RALGAPA2: variants seen among roughly 807,000 people sequenced by gnomAD.
RALGAPA2 encodes Ral GTPase activating protein catalytic subunit alpha 2.
RALGAPA2 carries 139 observed loss-of-function variants against 230.4 expected under a neutral mutation model. The observed-to-expected ratio is 0.60, with a 90% CI of 0.53 to 0.69. The LOEUF is 0.69. Among genes scored for constraint, RALGAPA2 ranks in the 30% least tolerant of loss-of-function variants. RALGAPA2 has a pLI of 0.00. For synonymous variants in RALGAPA2, 847 were observed against 837.8 expected, an observed-to-expected ratio of 1.01 and a Z score of -0.19; for missense variants, 2,163 against 2,276.0, an observed-to-expected ratio of 0.95 and a Z score of 1.01.
chr20:20,687,105 T>C (rs986233971), intron 1 of RALGAPA2, among the ~76,000 whole-genome samples: 3 of 152,188 alleles, frequency 2.0e-5, no homozygotes, highest in African/African-American at 7.2e-5. Flanking sequence ...ATAATGGCAC[T>C]GAAGGCCTGA....
chr20:20,620,453 A>T lies in RALGAPA2; in HGVS notation c.1401+10T>A. 6.2e-7 allele frequency: 1 copy of T among 1,612,308 alleles called. No individual in the cohort carries two copies. Among genetic ancestry groups the T allele is most frequent in the Non-Finnish European group, 8.5e-7 (1 of 1,179,166 alleles). On this transcript the variant is annotated intron_variant, in intron 11 of 39. Transcript: ENST00000202677. ...TACCCTCAACTCAAAAGACAAGTGAAAAAAATTACCTCCTTGCTATCAGTC... is the reference window on the plus strand; with the variant it reads ...TACCCTCAACTCAAAAGACAAGTGATAAAAATTACCTCCTTGCTATCAGTC...
At chr20:20,681,325 C>A (rs965781060) in intron 1 of RALGAPA2, among the ~76,000 whole-genome samples, 2 of 152,174 alleles carry the variant, frequency 1.3e-5, no homozygotes, top group Non-Finnish European at 2.9e-5. Flanking sequence ...GCTCCCCAAC[C>A]ACAAGCTTCT....
chr20:20,673,927 C>T (rs1426270879), intron 3 of RALGAPA2, among the ~76,000 whole-genome samples: 2 of 152,116 alleles, frequency 1.3e-5, no homozygotes, highest in Non-Finnish European at 2.9e-5. Flanking sequence ...GTGCCTCATG[C>T]CTATAATCCC....
rs1261563422 is a variant in RALGAPA2, at chr20:20,680,679, T to A, written c.217+12A>T. 1.0e-5 allele frequency: 16 copies of A among 1,527,206 alleles called. No individual in the cohort carries two copies. The highest frequency in any genetic ancestry group is 1.4e-5 in the African/African-American group (1 of 71,172). The allele number at this position is 1,527,206 out of a possible 1,614,324, so 94.6% of individuals were successfully genotyped here. On this transcript the variant is annotated intron_variant, in intron 2 of 39. Coordinates refer to ENST00000202677, the MANE Select transcript of RALGAPA2 (RefSeq NM_020343.4). ...CGAATGTTTTTTAAAAAAAAACTAC[T>A]GAAATGCTTACCTTTTAATTTCAAA...
intron 10 of RALGAPA2, among the ~76,000 whole-genome samples, chr20:20,628,073 G>C (rs932753340): frequency 6.6e-6 from 1 of 152,224 alleles, no homozygotes; most frequent in African/African-American, 2.4e-5. Flanking sequence ...TATTTTATAA[G>C]TGGAATGTTA....
At chr20:20,522,124 C>T (rs573273642) in intron 30 of RALGAPA2, among the ~76,000 whole-genome samples, 6 of 152,020 alleles carry the variant, frequency 3.9e-5, no homozygotes, top group East Asian at 1.9e-4. Context: ...TAAAACCACA[C>T]GTTATGTGTA....
At chr20:20,649,378 C>A (rs768198065) in intron 4 of RALGAPA2, among the ~76,000 whole-genome samples, 52 of 152,140 alleles carry the variant, frequency 3.4e-4, no homozygotes, top group Non-Finnish European at 7.1e-4. Context: ...ATGTTCACAT[C>A]CCAGGCAATG....
intron 16 of RALGAPA2, among the ~76,000 whole-genome samples, chr20:20,597,427 C>T (rs762798927): frequency 6.6e-6 from 1 of 152,098 alleles, no homozygotes; most frequent in Non-Finnish European, 1.5e-5. Context: ...TTATAGTCCT[C>T]GCTCTTGGTA....
At chr20:20,518,258 T>C (rs536961283) in intron 31 of RALGAPA2, among the ~76,000 whole-genome samples, 2 of 152,310 alleles carry the variant, frequency 1.3e-5, no homozygotes, top group Admixed American at 6.5e-5. Flanking sequence ...GGTTTCACCA[T>C]GTTAGCCAGG....
intron 1 of RALGAPA2, among the ~76,000 whole-genome samples, chr20:20,698,689 C>T (rs753718506): frequency 8.5e-5 from 13 of 152,136 alleles, no homozygotes; most frequent in Non-Finnish European, 1.6e-4. Flanking sequence ...CGTGAGCTAC[C>T]GTGCCTGGTC....
intron 23 of RALGAPA2, among the ~76,000 whole-genome samples, chr20:20,564,657 G>A (rs2064357812): frequency 6.6e-6 from 1 of 152,192 alleles, no homozygotes; most frequent in Admixed American, 6.5e-5. Context: ...GGTCTGAGAG[G>A]CTCTCTAGCC....
intron 13 of RALGAPA2, among the ~76,000 whole-genome samples, chr20:20,615,663 T>TA (rs1482917587): frequency 1.3e-5 from 2 of 152,226 alleles, no homozygotes; most frequent in Non-Finnish European, 1.5e-5. Flanking sequence ...AAAATGAATT[T>TA]AAAACGTCAA....
chr20:20,705,205 A>ACTTGATTTTTGTTGTTGTTGATACAGGGT (rs2069546053), intron 1 of RALGAPA2, among the ~76,000 whole-genome samples: 2 of 152,134 alleles, frequency 1.3e-5, no homozygotes, highest in Non-Finnish European at 2.9e-5. Context: ...AATGTTTGTG[A>ACTTGATTTTTGTTGTTGTTGATACAGGGT]CTTGATTTTT....
chr20:20,567,084 C>T (rs1227139761), intron 23 of RALGAPA2, among the ~76,000 whole-genome samples: 1 of 152,200 alleles, frequency 6.6e-6, no homozygotes, highest in Non-Finnish European at 1.5e-5. Flanking sequence ...AGACAAATTA[C>T]ATTAAGACAT....
At chr20:20,635,790 T>C (rs2066837952) in intron 8 of RALGAPA2, among the ~76,000 whole-genome samples, 173 bp from the exon 9 acceptor site, 1 of 152,330 alleles carries the variant, frequency 6.6e-6, no homozygotes, top group South Asian at 2.1e-4. Context: ...TCCTTTCTGA[T>C]TCCGCCTTGT....
intron 3 of RALGAPA2, among the ~76,000 whole-genome samples, chr20:20,656,111 A>G (rs1487452834): frequency 1.3e-5 from 2 of 152,228 alleles, no homozygotes; most frequent in Admixed American, 6.5e-5. Flanking sequence ...CTGTGTGTAC[A>G]TGAGAGCTCT....
chr20:20,643,707 G>A (rs922742843), intron 4 of RALGAPA2, among the ~76,000 whole-genome samples, 158 bp from the exon 5 acceptor site: 2 of 152,146 alleles, frequency 1.3e-5, no homozygotes, highest in Non-Finnish European at 2.9e-5. Context: ...AGGGAAAGAC[G>A]TTTTCAAGAT....
chr20:20,402,565 G>C (rs112812323), intron 38 of RALGAPA2, among the ~76,000 whole-genome samples: 2,859 of 152,340 alleles, frequency 0.019, 97 homozygotes, highest in African/African-American at 0.065. Flanking sequence ...GCTATGTTCT[G>C]TGGTGCTGGA....
intron 25 of RALGAPA2, 94 bp from the exon 26 acceptor site, chr20:20,535,897 A>G: frequency 6.9e-7 from 1 of 1,451,684 alleles, no homozygotes; most frequent in Non-Finnish European, 9.1e-7. Context: ...GAGCTACTGA[A>G]GTTCGACCAG....
Sources: allele counts gnomAD v4.1 joint callset (sites outside exome capture counted in the v4.1 genomes callset), GRCh38; gene constraint gnomAD v4.1.1; transcripts MANE v1.5; gene names NCBI Gene and HGNC (gene_info 2026-07-23, HGNC 2026-07-21).